The following LDLRAD4 variants were observed in gnomAD, a reference collection of about 807,000 sequenced individuals.
LDLRAD4 encodes low density lipoprotein receptor class A domain containing 4.
A neutral mutation model predicts 17.0 loss-of-function variants in LDLRAD4; 5 were observed. That is an observed-to-expected ratio of 0.29 (90% CI 0.15 to 0.62). LDLRAD4 has a LOEUF of 0.62. Ranked by LOEUF, LDLRAD4 falls within the 20% of genes least tolerant of loss-of-function variation. The pLI, the probability that LDLRAD4 is intolerant of heterozygous loss-of-function variation, is 0.84. For missense variants in LDLRAD4, 340 were observed against 424.7 expected, an observed-to-expected ratio of 0.80 and a Z score of 1.75; for synonymous variants, 168 against 171.8, an observed-to-expected ratio of 0.98 and a Z score of 0.17.
At chr18:13,512,081 G>T (rs749427392) in intron 3 of LDLRAD4, among the ~76,000 whole-genome samples, 1 of 152,188 alleles carries the variant, frequency 6.6e-6, no homozygotes, top group Non-Finnish European at 1.5e-5. Flanking sequence ...AGGTTGGAAG[G>T]CAAAATATCG....
chr18:13,305,127 G>T (rs1374663718), intron 1 of LDLRAD4, among the ~76,000 whole-genome samples: 1 of 152,014 alleles, frequency 6.6e-6, no homozygotes, highest in Non-Finnish European at 1.5e-5. Context: ...AGTTAGGCAT[G>T]TCATGAATGC....
intron 1 of LDLRAD4, among the ~76,000 whole-genome samples, chr18:13,247,030 G>T (rs2042989793): frequency 1.3e-5 from 2 of 151,814 alleles, no homozygotes; most frequent in Non-Finnish European, 2.9e-5. Flanking sequence ...AAAAGACCTT[G>T]GGTAAACTCT....
At chr18:13,288,429 A>G (rs1483410267) in intron 1 of LDLRAD4, among the ~76,000 whole-genome samples, 2 of 152,244 alleles carry the variant, frequency 1.3e-5, no homozygotes, top group Non-Finnish European at 1.5e-5. Flanking sequence ...AATTTATAGT[A>G]AAGAAAAATT....
intron 1 of LDLRAD4, among the ~76,000 whole-genome samples, chr18:13,318,807 C>T (rs549767791): frequency 2.6e-5 from 4 of 152,318 alleles, no homozygotes; most frequent in African/African-American, 7.2e-5. Context: ...TGATGGAGCT[C>T]CTGTCTGGTG....
At chr18:13,608,767 G>A (rs771756859) in intron 3 of LDLRAD4, among the ~76,000 whole-genome samples, 47 of 152,170 alleles carry the variant, frequency 3.1e-4, no homozygotes, top group Middle Eastern at 3.2e-3. Context: ...ACACAGAAAC[G>A]CTTATCTGTA....
At chr18:13,356,334 T>G (rs1233020504) in intron 1 of LDLRAD4, among the ~76,000 whole-genome samples, 1 of 152,242 alleles carries the variant, frequency 6.6e-6, no homozygotes, top group Non-Finnish European at 1.5e-5. Context: ...ACAGGTGCAC[T>G]GCCACCACAC....
rs371034950 is a variant in LDLRAD4, at chr18:13,494,962, C to G, written c.181+56578C>G. Reference sequence around the variant, plus strand: ...TTCAGCTTAAGGCACAAGCGAACCCCGTTTGCCTTCAACCCTGAGACCCGC... The same window carrying G: ...TTCAGCTTAAGGCACAAGCGAACCCGGTTTGCCTTCAACCCTGAGACCCGC... On this transcript the variant is annotated intron_variant, in intron 3 of 5. Coordinates refer to ENST00000359446, the Ensembl canonical transcript of LDLRAD4. 2.0e-5 allele frequency among the ~76,000 whole-genome samples: 3 copies of G among 151,832 alleles called. 1 individual carries two copies. Among genetic ancestry groups the G allele is most frequent in the African/African-American group, 7.3e-5 (3 of 41,326 alleles).
At chr18:13,623,657 GT>G (rs2040859648) in intron 4 of LDLRAD4, among the ~76,000 whole-genome samples, 1 of 152,236 alleles carries the variant, frequency 6.6e-6, no homozygotes, top group Non-Finnish European at 1.5e-5. Context: ...TATTAGCCCA[GT>G]TGATGGTTCC....
At chr18:13,379,808 C>A (rs1367854717) in intron 1 of LDLRAD4, among the ~76,000 whole-genome samples, 1 of 152,224 alleles carries the variant, frequency 6.6e-6, no homozygotes, top group Non-Finnish European at 1.5e-5. Context: ...TCTATTCCCA[C>A]CAAAGAATGA....
At position 13,552,012 on chromosome 18, in the gene LDLRAD4, C is replaced by A. The variant is rs533774369; in HGVS notation, c.182-69105C>A. On this transcript the variant is annotated intron_variant, in intron 3 of 5. Transcript: ENST00000359446. ...CCAGTAGCTTTAATAACCAGATATC[C>A]TGTGAGCTCATTACTGCAGGGAGGG... Among the ~76,000 whole-genome samples the A allele has an allele frequency of 6.6e-5, 10 of 152,192 alleles. No individual in the cohort carries two copies. In the East Asian group the frequency reaches 1.9e-3, roughly 29 times the overall value.
At position 13,386,907 on chromosome 18, in the gene LDLRAD4, GATAGATAGATAGATAGATAGATAGATAGA is replaced by G. The variant is rs2085856232; in HGVS notation, c.-382-433_-382-405del. Among the ~76,000 whole-genome samples, 7 of 45,340 alleles carry G rather than the reference GATAGATAGATAGATAGATAGATAGATAGA, an allele frequency of 1.5e-4. No homozygotes were observed. In the South Asian group the frequency reaches 4.8e-3, roughly 31 times the overall value. The allele number at this position is 45,340 out of a possible 152,430, so 29.7% of individuals were successfully genotyped here. On this transcript the variant is annotated intron_variant, in intron 1 of 5. Coordinates refer to ENST00000359446, the Ensembl canonical transcript of LDLRAD4. The stretch of plus-strand genomic sequence containing the variant: ...CCTGTCATTCATAGATAGATAGATA[GATAGATAGATAGATAGATAGATAGATAGA>G]TAGATAGATAGATGGATGGATGGAT...
intron 1 of LDLRAD4, among the ~76,000 whole-genome samples, chr18:13,227,819 C>T (rs987542819): frequency 6.6e-6 from 1 of 152,210 alleles, no homozygotes; most frequent in African/African-American, 2.4e-5. Flanking sequence ...GGGAACCACT[C>T]TCATGATCTA....
chr18:13,633,730 C>T (rs1232288681), intron 4 of LDLRAD4, among the ~76,000 whole-genome samples: 4 of 152,208 alleles, frequency 2.6e-5, no homozygotes, highest in African/African-American at 9.6e-5. Context: ...CAGGAGCAGG[C>T]ACTTCTGAGC....
At chr18:13,575,531 C>G (rs914811493) in intron 3 of LDLRAD4, among the ~76,000 whole-genome samples, 1 of 152,124 alleles carries the variant, frequency 6.6e-6, no homozygotes, top group Admixed American at 6.5e-5. Flanking sequence ...TATAAACATG[C>G]GTGTGCAAGT....
chr18:13,347,274 C>CA (rs1309057764), intron 1 of LDLRAD4, among the ~76,000 whole-genome samples: 5 of 152,202 alleles, frequency 3.3e-5, no homozygotes, highest in African/African-American at 9.7e-5. Flanking sequence ...CTGGTGGTGA[C>CA]AAAATCTCTC....
chr18:13,242,732 G>A (rs1435674334), intron 1 of LDLRAD4, among the ~76,000 whole-genome samples: 6 of 152,206 alleles, frequency 3.9e-5, no homozygotes, highest in African/African-American at 7.2e-5. Context: ...TTGGCTTTTA[G>A]TGTAACCATC....
At chr18:13,639,178 T>A (rs75124911) in intron 4 of LDLRAD4, among the ~76,000 whole-genome samples, 265 of 152,340 alleles carry the variant, frequency 1.7e-3, no homozygotes, top group Non-Finnish European at 3.1e-3. Context: ...AGTGCCTTCA[T>A]TGTTGATTAA....
At chr18:13,514,626 T>C (rs1441675282) in intron 3 of LDLRAD4, 1 of 152,284 alleles carries the variant, frequency 6.6e-6, no homozygotes, top group East Asian at 1.9e-4. Flanking sequence ...TTAAATTCCA[T>C]ATTTGTGTCT....
intron 1 of LDLRAD4, among the ~76,000 whole-genome samples, chr18:13,289,946 T>A (rs2045869698): frequency 6.6e-6 from 1 of 152,208 alleles, no homozygotes; most frequent in Non-Finnish European, 1.5e-5. Context: ...CATGGGAACA[T>A]TCTGGATGTT....
Sources: gnomAD v4.1 joint callset for allele counts (sites outside exome capture counted in the v4.1 genomes callset) on GRCh38, gnomAD v4.1.1 for gene constraint, MANE v1.5 for transcripts, NCBI Gene and HGNC (gene_info 2026-07-23, HGNC 2026-07-21) for gene names.